The following TMEM131 variants were observed in gnomAD, a reference collection of about 807,000 sequenced individuals.
The protein encoded by TMEM131 is transmembrane protein 131, also known as 2610524E03Rik.
In TMEM131, 66 loss-of-function variants were observed where a neutral mutation model predicts 211.6. The observed-to-expected ratio is 0.31, with a 90% CI of 0.26 to 0.38. The LOEUF (loss-of-function observed/expected upper bound fraction) is 0.38. Among genes scored for constraint, TMEM131 ranks in the 10% least tolerant of loss-of-function variants. The probability of loss-of-function intolerance (pLI) is 1.00; values close to 1 mark genes in which losing one functional copy is unlikely to be tolerated. For missense variants in TMEM131, 2,036 were observed against 2,299.3 expected, an observed-to-expected ratio of 0.89 and a Z score of 2.34; for synonymous variants, 844 against 841.3, an observed-to-expected ratio of 1.00 and a Z score of -0.06.
Position 97,772,340 on chromosome 2 carries a change from G to C in TMEM131, c.4405C>G (p.Leu1469Val). 6.2e-7 allele frequency: 1 copy of C among 1,602,298 alleles called. No individual in the cohort carries two copies. Among genetic ancestry groups the C allele is most frequent in the Non-Finnish European group, 8.5e-7 (1 of 1,177,258 alleles). The change falls in exon 33 of 41, where the codon CTC becomes GTC. Residue 1469 changes from leucine (L) to valine (V), a missense_variant. Physicochemically the swap from Leu to Val is conservative, Grantham distance 32. This residue lies in a region of TMEM131 where 1,623 missense variants were observed against 1,805.9 expected (regional missense o/e 0.90). Transcript: ENST00000186436. Reference sequence around the variant, plus strand: ...GGGATTTCTTTCTTAATATTTAAGAGTTTTTTGCTTTTTTGCTTCACTTGA... The same window carrying C: ...GGGATTTCTTTCTTAATATTTAAGACTTTTTTGCTTTTTTGCTTCACTTGA... ...MSQVKQKSKK[L>V]LNIKKEIPTD...
intron 5 of TMEM131, among the ~76,000 whole-genome samples, chr2:97,855,213 C>T (rs924570776): frequency 6.6e-6 from 1 of 152,178 alleles, no homozygotes; most frequent in Non-Finnish European, 1.5e-5. Flanking sequence ...ATGTTTTAAA[C>T]TGCAAAAGTA....
At chr2:97,818,273 A>G (rs1158355798) in intron 12 of TMEM131, among the ~76,000 whole-genome samples, 3 of 152,116 alleles carry the variant, frequency 2.0e-5, no homozygotes, top group African/African-American at 7.2e-5. Flanking sequence ...CTTCAAATAT[A>G]TTGTAACTTC....
intron 35 of TMEM131, chr2:97,762,691 A>T (rs1284091318): frequency 1.3e-5 from 2 of 156,272 alleles, no homozygotes; most frequent in South Asian, 3.8e-4. Context: ...CCTTTAAAGT[A>T]ATGTCTATAC....
intron 5 of TMEM131, among the ~76,000 whole-genome samples, chr2:97,847,403 G>A (rs1157318051): frequency 6.6e-6 from 1 of 152,118 alleles, no homozygotes; most frequent in African/African-American, 2.4e-5. Flanking sequence ...CAATGAACAA[G>A]TGGAATTCTA....
At chr2:97,886,915 T>C (rs543167985) in intron 4 of TMEM131, among the ~76,000 whole-genome samples, 1 of 152,350 alleles carries the variant, frequency 6.6e-6, no homozygotes, top group East Asian at 1.9e-4. Flanking sequence ...TTGGAGAATC[T>C]GAGAAGGGAC....
intron 5 of TMEM131, among the ~76,000 whole-genome samples, chr2:97,855,787 G>C (rs1323058175): frequency 1.3e-5 from 2 of 151,560 alleles, no homozygotes; most frequent in Non-Finnish European, 2.9e-5. Context: ...CAGATCAATA[G>C]ACAGAGACCT....
At chr2:97,790,502 T>C (rs931937781) in intron 31 of TMEM131, among the ~76,000 whole-genome samples, 17 of 152,196 alleles carry the variant, frequency 1.1e-4, no homozygotes, top group African/African-American at 3.9e-4. Context: ...CTAGGACCAC[T>C]GTGAAAATTA....
chr2:97,922,858 A>G lies in TMEM131; in HGVS notation c.249+4568T>C, dbSNP rs140017523. 9.2e-5 allele frequency among the ~76,000 whole-genome samples: 14 copies of G among 152,334 alleles called. No homozygotes were observed. The East Asian group carries it at 1.2e-3, about 13-fold the overall frequency. The stretch of plus-strand genomic sequence containing the variant: ...GTATTTGCCTTGCATTCCCTCCCCA[A>G]ATTTAAGCATCTATATGTAAATTAT... On this transcript the variant is annotated intron_variant, in intron 2 of 40. Transcript: ENST00000186436.
chr2:97,772,577 G>A (rs983767098), intron 32 of TMEM131, among the ~76,000 whole-genome samples, 153 bp from the exon 33 acceptor site: 10 of 152,212 alleles, frequency 6.6e-5, no homozygotes, highest in Non-Finnish European at 1.5e-4. Flanking sequence ...TCTTCACTGC[G>A]GTTCTGTCAA....
intron 1 of TMEM131, among the ~76,000 whole-genome samples, chr2:97,945,482 A>C (rs1276791499): frequency 1.3e-5 from 2 of 152,186 alleles, no homozygotes; most frequent in Non-Finnish European, 2.9e-5. Context: ...TTAAAAGTCA[A>C]CAACAGCAAA....
chr2:97,942,047 T>C (rs571003403), intron 1 of TMEM131, among the ~76,000 whole-genome samples: 1 of 152,266 alleles, frequency 6.6e-6, no homozygotes, highest in South Asian at 2.1e-4. Context: ...GTGGCACTAT[T>C]CACAAGAGCA....
chr2:97,925,862 G>A (rs1333114688), intron 2 of TMEM131, among the ~76,000 whole-genome samples: 1 of 152,108 alleles, frequency 6.6e-6, no homozygotes, highest in East Asian at 1.9e-4. Context: ...TGTAATCCTA[G>A]CACTTTGGGA....
At chr2:97,819,568 T>C (rs1044646128) in intron 11 of TMEM131, among the ~76,000 whole-genome samples, 1 of 152,210 alleles carries the variant, frequency 6.6e-6, no homozygotes, top group Non-Finnish European at 1.5e-5. Flanking sequence ...AGGGCCTTCA[T>C]CTGACATCCT....
At chr2:97,964,272 G>C (rs978948898) in intron 1 of TMEM131, among the ~76,000 whole-genome samples, 1 of 152,146 alleles carries the variant, frequency 6.6e-6, no homozygotes, top group African/African-American at 2.4e-5. Flanking sequence ...AAATGTTAAG[G>C]CATTCTACTT....
rs3088327 is a variant in TMEM131 at position 97,995,803 on chromosome 2, A to G, written c.-141T>C. ...TTGCGAGCCCGGGGCTCGATCTCCGAGCGTGGGCCTGGGTCCGTGCGTGCG... is the reference window on the plus strand; with the variant it reads ...TTGCGAGCCCGGGGCTCGATCTCCGGGCGTGGGCCTGGGTCCGTGCGTGCG... On this transcript the variant is annotated 5_prime_UTR_variant, in exon 1 of 41. Coordinates refer to ENST00000186436, the MANE Select transcript of TMEM131 (RefSeq NM_015348.2). 0.74 allele frequency: 328,334 copies of G among 444,398 alleles called. 125,171 individuals are homozygous for G. The highest frequency in any genetic ancestry group is 0.87 in the African/African-American group (41,453 of 47,846). The allele number at this position is 444,398 out of a possible 1,614,324, so 27.5% of individuals were successfully genotyped here.
Position 97,797,370 on chromosome 2 carries a change from TATG to T in TMEM131, c.2862_2864del (p.Ile955del). 1.2e-6 allele frequency: 2 copies of T among 1,604,074 alleles called. No homozygotes were observed. Among genetic ancestry groups the T allele is most frequent in the Non-Finnish European group, 1.7e-6 (2 of 1,176,614 alleles). On this transcript the variant is annotated inframe_deletion, in exon 26 of 41. Coordinates refer to ENST00000186436, the MANE Select transcript of TMEM131 (RefSeq NM_015348.2). The stretch of plus-strand genomic sequence containing the variant: ...ACCTATATCACAGAACCTACCTGAC[TATG>T]ATAAGTGAAGAAACAGTTCTGTTGT...
chr2:97,993,592 GCA>G (rs1385393958), intron 1 of TMEM131, among the ~76,000 whole-genome samples: 1 of 152,054 alleles, frequency 6.6e-6, no homozygotes, highest in East Asian at 1.9e-4. Flanking sequence ...TTGGATAACC[GCA>G]CACACAAATT....
At chr2:97,862,615 T>C (rs1674113760) in intron 4 of TMEM131, among the ~76,000 whole-genome samples, 1 of 152,034 alleles carries the variant, frequency 6.6e-6, no homozygotes, top group Non-Finnish European at 1.5e-5. Flanking sequence ...CAGAGTTTCT[T>C]AATAGCAGAA....
intron 1 of TMEM131, among the ~76,000 whole-genome samples, chr2:97,931,121 T>C (rs1677201424): frequency 1.3e-5 from 2 of 151,774 alleles, no homozygotes; most frequent in Admixed American, 1.3e-4. Flanking sequence ...AGCAACCAAA[T>C]TTTTTTAATT....
Sources: gnomAD v4.1 joint callset for allele counts (sites outside exome capture counted in the v4.1 genomes callset) on GRCh38, gnomAD v4.1.1 for gene constraint, gnomAD v4.1.1 regional missense constraint, MANE v1.5 for transcripts, NCBI Gene and HGNC (gene_info 2026-07-23, HGNC 2026-07-21) for gene names.